Variants in MMP16 observed in about 807,000 individuals in gnomAD.
MMP16 encodes matrix metalloproteinase-16.
A neutral mutation model predicts 67.8 loss-of-function variants in MMP16; 12 were observed. That is an observed-to-expected ratio of 0.18 (90% CI 0.11 to 0.29). The LOEUF is 0.29. Ranked by LOEUF, MMP16 falls within the 10% of genes least tolerant of loss-of-function variation. MMP16 has a pLI of 1.00. For missense variants in MMP16, 475 were observed against 765.7 expected, an observed-to-expected ratio of 0.62 and a Z score of 4.48; for synonymous variants, 249 against 255.9, an observed-to-expected ratio of 0.97 and a Z score of 0.26.
chr8:88,047,778 C>A (rs28991907), intron 8 of MMP16, among the ~76,000 whole-genome samples: 1 of 152,098 alleles, frequency 6.6e-6, no homozygotes, highest in Non-Finnish European at 1.5e-5. Context: ...ATATTTTGAA[C>A]AGAGAAGCTT....
At chr8:88,186,096 C>T (rs1291197164) in intron 3 of MMP16, among the ~76,000 whole-genome samples, 2 of 152,138 alleles carry the variant, frequency 1.3e-5, no homozygotes, top group East Asian at 3.8e-4. Flanking sequence ...TGATATTAAA[C>T]ACTGATTAAT....
intron 4 of MMP16, among the ~76,000 whole-genome samples, chr8:88,120,155 T>C (rs1807794362): frequency 6.6e-6 from 1 of 151,712 alleles, no homozygotes; most frequent in African/African-American, 2.4e-5. Context: ...GGGGGTTGTC[T>C]AGGGAACATC....
intron 8 of MMP16, among the ~76,000 whole-genome samples, chr8:88,055,427 C>T (rs1239364555): frequency 1.3e-5 from 2 of 152,222 alleles, no homozygotes; most frequent in Non-Finnish European, 2.9e-5. Context: ...AGGCTGGTCT[C>T]GAACTCCTGA....
At chr8:88,231,455 G>T (rs10092380) in intron 1 of MMP16, among the ~76,000 whole-genome samples, 75,447 of 151,978 alleles carry the variant, frequency 0.5, 20,808 homozygotes, top group Non-Finnish European at 0.63. Context: ...TACACAGAAA[G>T]TTCAGTGTCA....
intron 1 of MMP16, among the ~76,000 whole-genome samples, chr8:88,221,128 A>G (rs1416054603): frequency 1.3e-5 from 2 of 151,916 alleles, no homozygotes; most frequent in African/African-American, 4.8e-5. Context: ...AGGTACCAAA[A>G]TAGCTGGGAG....
chr8:88,254,445 C>A (rs1810271989), intron 1 of MMP16, among the ~76,000 whole-genome samples: 1 of 151,486 alleles, frequency 6.6e-6, no homozygotes, highest in Admixed American at 6.6e-5. Context: ...ATATATACCC[C>A]TGAACTTAAA....
At chr8:88,143,375 TCCGTATCTTCAGCATAAAG>T (rs1427518888) in intron 4 of MMP16, among the ~76,000 whole-genome samples, 2 of 152,132 alleles carry the variant, frequency 1.3e-5, no homozygotes, top group Non-Finnish European at 2.9e-5. Flanking sequence ...TTTATTTTCT[TCCGTATCTTCAGCATAAAG>T]TGTGAAGAGT....
At chr8:88,056,627 C>T (rs560307065) in intron 7 of MMP16, among the ~76,000 whole-genome samples, 20 of 152,172 alleles carry the variant, frequency 1.3e-4, no homozygotes, top group African/African-American at 4.6e-4. Flanking sequence ...AGAGGTCCTA[C>T]GTCTTTTTCA....
At chr8:88,168,409 C>G (rs1445930374) in intron 3 of MMP16, among the ~76,000 whole-genome samples, 1 of 152,152 alleles carries the variant, frequency 6.6e-6, no homozygotes, top group Non-Finnish European at 1.5e-5. Context: ...TCTTCTTGAT[C>G]TGTAAATATG....
At chr8:88,166,644 C>A (rs1335680915) in intron 4 of MMP16, among the ~76,000 whole-genome samples, 2 of 123,068 alleles carry the variant, frequency 1.6e-5, no homozygotes, top group Admixed American at 9.3e-5. Context: ...GATTGGGAGA[C>A]CAATGAAATG....
intron 3 of MMP16, among the ~76,000 whole-genome samples, chr8:88,180,156 C>T (rs1808956059): frequency 6.6e-6 from 1 of 152,044 alleles, no homozygotes; most frequent in Admixed American, 6.6e-5. Flanking sequence ...TGGCACACGC[C>T]TGTAATCCCA....
intron 2 of MMP16, among the ~76,000 whole-genome samples, chr8:88,196,614 C>T (rs2129779735): frequency 6.6e-6 from 1 of 152,232 alleles, no homozygotes; most frequent in East Asian, 1.9e-4. Context: ...AAAGAAGTAA[C>T]TTTCCAGTGA....
chr8:88,122,431 T>G (rs974383149), intron 4 of MMP16, among the ~76,000 whole-genome samples: 5 of 152,026 alleles, frequency 3.3e-5, no homozygotes, highest in Admixed American at 6.6e-5. Context: ...ATAACTTGAT[T>G]GTAACACATA....
At chr8:88,247,262 T>C (rs1810128041) in intron 1 of MMP16, among the ~76,000 whole-genome samples, 1 of 152,142 alleles carries the variant, frequency 6.6e-6, no homozygotes, top group South Asian at 2.1e-4. Flanking sequence ...CCAACAAAAG[T>C]CTATTGTGAT....
chr8:88,196,181 A>G (rs1001183466), intron 2 of MMP16, among the ~76,000 whole-genome samples: 4 of 152,202 alleles, frequency 2.6e-5, no homozygotes, highest in Non-Finnish European at 5.9e-5. Context: ...AAAGCAGAGA[A>G]AAATGCATGC....
At chr8:88,185,737 C>T (rs1005726413) in intron 3 of MMP16, among the ~76,000 whole-genome samples, 3 of 152,116 alleles carry the variant, frequency 2.0e-5, no homozygotes, top group Non-Finnish European at 4.4e-5. Context: ...AGGGCGATCT[C>T]ATCTGGTTTT....
chr8:88,299,955 T>C (rs1811072264), intron 1 of MMP16, among the ~76,000 whole-genome samples: 1 of 152,220 alleles, frequency 6.6e-6, no homozygotes, highest in Non-Finnish European at 1.5e-5. Context: ...AGGTACTAAA[T>C]AGAAACTAGA....
chr8:88,055,556 T>C (rs1808321653), intron 8 of MMP16, among the ~76,000 whole-genome samples: 1 of 152,196 alleles, frequency 6.6e-6, no homozygotes, highest in Non-Finnish European at 1.5e-5. Flanking sequence ...GTGAACACTG[T>C]TAGCAATATC....
Position 88,038,247 on chromosome 8 carries a change from A to G in MMP16, c.*3214T>C, listed in dbSNP as rs1808081151. The G allele has an allele frequency of 6.6e-6, 1 of 152,038 alleles. No individual in the cohort carries two copies. Among genetic ancestry groups the G allele is most frequent in the Non-Finnish European group, 1.5e-5 (1 of 67,932 alleles). 9.4% of individuals were successfully genotyped at this position (152,038 alleles called of 1,614,324 possible). A position where few individuals can be genotyped will look rare whatever the true frequency, so the allele number is the denominator to read the frequency against. ...TTGTCTTCTTATCTCTTGTAATAGT[A>G]CAGCCTGATAACTGAAATGTTCTGT... On this transcript the variant is annotated 3_prime_UTR_variant, in exon 10 of 10. Coordinates refer to ENST00000286614, the MANE Select transcript of MMP16 (RefSeq NM_005941.5). This position sits in a 1 kb window ranked among gnomAD's most constrained non-coding sequence, Gnocchi z 4.1.
Sources: gnomAD v4.1 joint callset for allele counts (sites outside exome capture counted in the v4.1 genomes callset) on GRCh38, gnomAD v4.1.1 for gene constraint, Gnocchi (gnomAD v3.1) non-coding constraint, MANE v1.5 for transcripts, NCBI Gene and HGNC (gene_info 2026-07-23, HGNC 2026-07-21) for gene names.